Variants in MREG observed in about 807,000 individuals in gnomAD.
MREG encodes the protein melanoregulin.
MREG carries 31 observed loss-of-function variants against 28.5 expected under a neutral mutation model. The ratio of observed to expected loss-of-function variants is 1.09; its 90% CI spans 0.82 to 1.47. The LOEUF is 1.47. MREG is among the 40% of genes most tolerant of loss of function. MREG has a pLI of 0.00. For synonymous variants in MREG, 106 were observed against 95.2 expected, an observed-to-expected ratio of 1.11 and a Z score of -0.66; for missense variants, 256 against 257.4, an observed-to-expected ratio of 0.99 and a Z score of 0.04.
chr2:215,971,755 G>A (rs1003430845), intron 2 of MREG, among the ~76,000 whole-genome samples: 2 of 152,196 alleles, frequency 1.3e-5, no homozygotes, highest in African/African-American at 4.8e-5. Context: ...TCAACTTACT[G>A]TAGCTGGGAG....
intron 1 of MREG, among the ~76,000 whole-genome samples, chr2:216,024,235 C>G (rs1207388479): frequency 6.6e-6 from 1 of 152,006 alleles, no homozygotes; most frequent in East Asian, 1.9e-4. Context: ...CCTATGTACC[C>G]CATAAGAAGA....
At chr2:216,022,014 G>C (rs1694527704) in intron 1 of MREG, among the ~76,000 whole-genome samples, 1 of 152,172 alleles carries the variant, frequency 6.6e-6, no homozygotes, top group African/African-American at 2.4e-5. Context: ...GAGGCAGGTG[G>C]ATCACCTGAG....
At chr2:215,977,370 A>C (rs1693290371) in intron 2 of MREG, among the ~76,000 whole-genome samples, 2 of 152,218 alleles carry the variant, frequency 1.3e-5, no homozygotes, top group South Asian at 4.1e-4. Flanking sequence ...GAGCACCCAG[A>C]TTCATAAAGC....
chr2:215,964,974 CT>C (rs1692902758), intron 2 of MREG, among the ~76,000 whole-genome samples: 3 of 152,224 alleles, frequency 2.0e-5, no homozygotes, highest in Admixed American at 6.5e-5. Context: ...ATGTGAGTGA[CT>C]TTTTTTCTCC....
At chr2:215,977,552 T>A (rs577962995) in intron 2 of MREG, among the ~76,000 whole-genome samples, 3 of 152,326 alleles carry the variant, frequency 2.0e-5, no homozygotes, top group Non-Finnish European at 4.4e-5. Context: ...TACAGAACTC[T>A]CCACCCCAAA....
At chr2:216,031,490 A>G (rs1694696343) in intron 1 of MREG, among the ~76,000 whole-genome samples, 1 of 131,726 alleles carries the variant, frequency 7.6e-6, no homozygotes, top group Non-Finnish European at 1.6e-5. Context: ...AGAAAGAAAG[A>G]AAGAGAAAGA....
intron 1 of MREG, among the ~76,000 whole-genome samples, chr2:216,029,454 C>T (rs1033498394): frequency 2.4e-5 from 3 of 127,088 alleles, no homozygotes; most frequent in South Asian, 2.6e-4. Context: ...CTCCGCCTGG[C>T]GAGAGAGTGA....
chr2:216,007,230 A>G (rs1035975986), intron 1 of MREG, among the ~76,000 whole-genome samples: 1 of 152,050 alleles, frequency 6.6e-6, no homozygotes, highest in Non-Finnish European at 1.5e-5. Flanking sequence ...TGTAACCCCA[A>G]AATCAATACT....
chr2:215,983,613 T>C (rs1245373258), intron 2 of MREG, among the ~76,000 whole-genome samples: 1 of 152,236 alleles, frequency 6.6e-6, no homozygotes, highest in Non-Finnish European at 1.5e-5. Context: ...TGTGTCTGCC[T>C]CTGTAGTTTT....
At chr2:215,952,079 C>T (rs1692504416) in intron 2 of MREG, among the ~76,000 whole-genome samples, 1 of 152,174 alleles carries the variant, frequency 6.6e-6, no homozygotes, top group Non-Finnish European at 1.5e-5. Context: ...TCATCCATGT[C>T]GTCACAAGTG....
At chr2:216,019,856 T>C (rs1462272888) in intron 1 of MREG, among the ~76,000 whole-genome samples, 2 of 152,158 alleles carry the variant, frequency 1.3e-5, no homozygotes, top group Non-Finnish European at 2.9e-5. Context: ...TTCCCCAAAA[T>C]ATATACTCTA....
At chr2:215,976,861 C>A (rs1189087864) in intron 2 of MREG, among the ~76,000 whole-genome samples, 1 of 152,192 alleles carries the variant, frequency 6.6e-6, no homozygotes, top group Admixed American at 6.5e-5. Flanking sequence ...GCCTGCCTTA[C>A]AAGAGCTCCT....
intron 1 of MREG, among the ~76,000 whole-genome samples, chr2:216,020,987 C>T (rs1209074509): frequency 2.0e-5 from 3 of 152,210 alleles, no homozygotes; most frequent in Non-Finnish European, 2.9e-5. Flanking sequence ...CTGAGACCGT[C>T]GGCAGAAGCA....
At chr2:215,983,357 G>A (rs936777958) in intron 2 of MREG, among the ~76,000 whole-genome samples, 3 of 152,190 alleles carry the variant, frequency 2.0e-5, no homozygotes, top group East Asian at 3.8e-4. Flanking sequence ...GCTGGTCCAC[G>A]ATCAGTTCAA....
At chr2:215,963,419 G>C (rs56083560) in intron 2 of MREG, among the ~76,000 whole-genome samples, 1 of 141,990 alleles carries the variant, frequency 7.0e-6, no homozygotes, top group African/African-American at 2.7e-5. Context: ...CTGAGTGATA[G>C]AGTGAGAACC....
At chr2:215,956,787 G>A (rs944183653) in intron 2 of MREG, among the ~76,000 whole-genome samples, 35 of 152,134 alleles carry the variant, frequency 2.3e-4, no homozygotes, top group Admixed American at 1.0e-3. Context: ...TGATCCTCCC[G>A]CCTTGGCCTC....
chr2:215,996,941 C>G (rs560313359), intron 1 of MREG, among the ~76,000 whole-genome samples: 1 of 152,118 alleles, frequency 6.6e-6, no homozygotes, highest in Non-Finnish European at 1.5e-5. Flanking sequence ...CCACCACGCC[C>G]GGATAATTCT....
chr2:216,005,424 G>C (rs973758759), intron 1 of MREG, among the ~76,000 whole-genome samples: 3 of 142,334 alleles, frequency 2.1e-5, no homozygotes, highest in African/African-American at 7.6e-5. Flanking sequence ...GGTTACACGA[G>C]TATTCACTTT....
intron 2 of MREG, among the ~76,000 whole-genome samples, chr2:215,965,398 C>T (rs527807993): frequency 2.0e-5 from 3 of 152,150 alleles, no homozygotes; most frequent in Admixed American, 6.5e-5. Flanking sequence ...AACAAGGTGA[C>T]GACAAGGACA....
Sources: allele counts gnomAD v4.1 joint callset (sites outside exome capture counted in the v4.1 genomes callset), GRCh38; gene constraint gnomAD v4.1.1; transcripts MANE v1.5; gene names NCBI Gene and HGNC (gene_info 2026-07-23, HGNC 2026-07-21).